Variants in TENM3 observed in about 807,000 individuals in gnomAD.
TENM3 encodes teneurin-3.
A neutral mutation model predicts 255.1 loss-of-function variants in TENM3; 63 were observed. The observed-to-expected ratio is 0.25, with a 90% CI of 0.20 to 0.30. The LOEUF (loss-of-function observed/expected upper bound fraction) is 0.30, where lower values mean the gene tolerates loss of function less well. TENM3 is among the 10% of genes least tolerant of loss of function. TENM3 has a pLI of 1.00. For synonymous variants in TENM3, 1,306 were observed against 1,322.3 expected (o/e 0.99, Z 0.27); for missense variants, 2,929 against 3,461.1 (o/e 0.85, Z 3.86).
At chr4:182,692,959 G>C (rs868052623) in intron 12 of TENM3, among the ~76,000 whole-genome samples, 1 of 151,676 alleles carries the variant, frequency 6.6e-6, no homozygotes, top group East Asian at 1.9e-4. Context: ...GGATTTTTTC[G>C]CTGTTGATAA....
Position 182,506,005 on chromosome 4 carries a change from A to G in TENM3, c.512-94919A>G, listed in dbSNP as rs187080673. 1.6e-4 allele frequency among the ~76,000 whole-genome samples: 25 copies of G among 152,332 alleles called. 1 individual carries two copies. In the East Asian group the frequency reaches 3.5e-3, roughly 21 times the overall value. On this transcript the variant is annotated intron_variant, in intron 3 of 27. Transcript: ENST00000511685. ...GGATGCATCACATATAAAATCCCAG[A>G]ATGTTACAAGTGGAGGGGACCTAAG... is the stretch of plus-strand genomic sequence containing the variant.
chr4:181,979,097 CATATATATATAT>C, the TENM3 span, among the ~76,000 whole-genome samples: 607 of 30,286 alleles, frequency 0.02, 7 homozygotes, highest in Non-Finnish European at 0.021. Context: ...TTAAGCCTGA[CATATATATATAT>C]ATATATATAT....
At chr4:182,641,819 G>A (rs1020073786) in intron 5 of TENM3, among the ~76,000 whole-genome samples, 3 of 152,074 alleles carry the variant, frequency 2.0e-5, no homozygotes, top group South Asian at 2.1e-4. Flanking sequence ...AAGCCACCGC[G>A]CCTGGCCTAT....
chr4:182,368,698 C>T (rs762436363), intron 3 of TENM3, among the ~76,000 whole-genome samples: 3 of 152,114 alleles, frequency 2.0e-5, no homozygotes, highest in African/African-American at 7.2e-5. Flanking sequence ...GTAAAGGGAT[C>T]TATTTGGAGG....
chr4:181,588,825 A>T, the TENM3 span, among the ~76,000 whole-genome samples: 2 of 152,208 alleles, frequency 1.3e-5, no homozygotes, highest in Non-Finnish European at 2.9e-5. Flanking sequence ...TCAGTAGACC[A>T]TATCCTGTGG....
chr4:182,326,902 T>A (rs1763448892), intron 2 of TENM3, among the ~76,000 whole-genome samples: 1 of 152,142 alleles, frequency 6.6e-6, no homozygotes, highest in Non-Finnish European at 1.5e-5. Flanking sequence ...GTGAGCAAAC[T>A]GTAGGCATAT....
the TENM3 span, among the ~76,000 whole-genome samples, chr4:181,838,710 TA>T: frequency 6.6e-6 from 1 of 152,178 alleles, no homozygotes; most frequent in Non-Finnish European, 1.5e-5. Context: ...CGTGTGAATC[TA>T]ATATTTATAG....
intron 1 of TENM3, among the ~76,000 whole-genome samples, chr4:182,268,264 C>G (rs1759370000): frequency 6.6e-6 from 1 of 152,152 alleles, no homozygotes; most frequent in African/African-American, 2.4e-5. Flanking sequence ...TCCAGTATCT[C>G]CTTTTGTTGA....
At chr4:182,583,573 A>G (rs1745715055) in intron 3 of TENM3, among the ~76,000 whole-genome samples, 1 of 152,052 alleles carries the variant, frequency 6.6e-6, no homozygotes, top group African/African-American at 2.4e-5. Flanking sequence ...ATCAAATATA[A>G]GAATCGTCTT....
At chr4:182,441,386 T>C (rs936519996) in intron 3 of TENM3, among the ~76,000 whole-genome samples, 16 of 152,326 alleles carry the variant, frequency 1.1e-4, no homozygotes, top group African/African-American at 1.7e-4. Context: ...GATGTATACA[T>C]AGGAAAGAAT....
rs1412971191 is a variant in TENM3, at chr4:182,799,928, G to A, written c.7677G>A (p.Leu2559=). The change falls in exon 28 of 28, where the codon CTG becomes CTA. Residue 2559 remains leucine (L), a synonymous_variant. Transcript: ENST00000511685. This position sits in a 1 kb window ranked among gnomAD's most constrained non-coding sequence, Gnocchi z 4.2. ...AGACCACCACGCCCGAGAGCGACCT[G>A]GGCACGCTGCGGTTGACCAGCGGCC... ...FIKTTTPESD[L]GTLRLTSGRK... 6.2e-7 allele frequency: 1 copy of A among 1,600,850 alleles called. No homozygotes were observed. The highest frequency in any genetic ancestry group is 1.1e-5 in the South Asian group (1 of 88,736).
At chr4:181,627,086 A>T in the TENM3 span, among the ~76,000 whole-genome samples, 2,936 of 152,284 alleles carry the variant, frequency 0.019, 50 homozygotes, top group Middle Eastern at 0.061. Context: ...CTAATTAAGA[A>T]GGGCCAACCA....
At chr4:182,255,470 A>C (rs1053494983) in intron 1 of TENM3, among the ~76,000 whole-genome samples, 1 of 152,176 alleles carries the variant, frequency 6.6e-6, no homozygotes, top group African/African-American at 2.4e-5. Flanking sequence ...TAAAATCAAC[A>C]CTTACAGAGG....
chr4:182,480,419 G>A (rs1365386745), intron 3 of TENM3, among the ~76,000 whole-genome samples: 40 of 152,014 alleles, frequency 2.6e-4, no homozygotes, highest in Admixed American at 2.6e-3. Context: ...TAGAAACACA[G>A]CAGGCCAGTT....
intron 1 of TENM3, among the ~76,000 whole-genome samples, chr4:182,273,856 T>C (rs1437929416): frequency 6.6e-6 from 1 of 152,192 alleles, no homozygotes; most frequent in African/African-American, 2.4e-5. Flanking sequence ...AATATTTTGG[T>C]TTAAATTTAA....
intron 1 of TENM3, among the ~76,000 whole-genome samples, chr4:182,184,139 G>C (rs1455773722): frequency 6.6e-6 from 1 of 152,124 alleles, no homozygotes; most frequent in Admixed American, 6.6e-5. Flanking sequence ...GAGTACTATA[G>C]GTTAGACAAG....
At chr4:181,947,783 C>T in the TENM3 span, among the ~76,000 whole-genome samples, 1 of 152,082 alleles carries the variant, frequency 6.6e-6, no homozygotes, top group Non-Finnish European at 1.5e-5. Context: ...TAAATTAGTG[C>T]AGTATCAGTG....
At chr4:182,594,867 G>A (rs554031300) in intron 3 of TENM3, among the ~76,000 whole-genome samples, 1 of 151,922 alleles carries the variant, frequency 6.6e-6, no homozygotes, top group Admixed American at 6.6e-5. Context: ...TTACAGGCAC[G>A]TGCCACCGCG....
the TENM3 span, among the ~76,000 whole-genome samples, chr4:181,592,391 C>G: frequency 6.6e-6 from 1 of 150,508 alleles, no homozygotes; most frequent in Non-Finnish European, 1.5e-5. Flanking sequence ...TGGAATGTAC[C>G]CACAATTTAC....
Sources: gnomAD v4.1 joint callset for allele counts (sites outside exome capture counted in the v4.1 genomes callset) on GRCh38, gnomAD v4.1.1 for gene constraint, Gnocchi (gnomAD v3.1) non-coding constraint, MANE v1.5 for transcripts, NCBI Gene and HGNC (gene_info 2026-07-23, HGNC 2026-07-21) for gene names.